ATP6V0A2: variants seen among roughly 807,000 people sequenced by gnomAD.
ATP6V0A2 encodes ATPase H+ transporting V0 subunit a2, also known as V-type proton ATPase 116 kDa subunit a 2.
In ATP6V0A2, 58 loss-of-function variants were observed where a neutral mutation model predicts 104.4. The ratio of observed to expected loss-of-function variants is 0.56; its 90% confidence interval spans 0.45 to 0.69. The LOEUF (loss-of-function observed/expected upper bound fraction) is 0.69, where lower values mean the gene tolerates loss of function less well. Among genes scored for constraint, ATP6V0A2 ranks in the 30% least tolerant of loss-of-function variants. ATP6V0A2 has a pLI of 0.00. For missense variants in ATP6V0A2, 938 were observed against 1,062.9 expected, an observed-to-expected ratio of 0.88 and a Z score of 1.63; for synonymous variants, 376 against 397.9, an observed-to-expected ratio of 0.95 and a Z score of 0.65.
intron 13 of ATP6V0A2, among the ~76,000 whole-genome samples, chr12:123,745,550 C>CA: frequency 6.6e-6 from 1 of 152,000 alleles, no homozygotes; most frequent in Non-Finnish European, 1.5e-5. Flanking sequence ...ACTAAAAATA[C>CA]AAAAAATTAG....
At chr12:123,722,540 C>T (rs1956410123) in intron 3 of ATP6V0A2, 92 bp downstream of exon 3, 2 of 800,308 alleles carry the variant, frequency 2.5e-6, no homozygotes, top group African/African-American at 1.7e-5. Context: ...TTCTGCCTTT[C>T]TTCTCAAAAC....
chr12:123,734,953 C>T (rs1183783242), intron 7 of ATP6V0A2, among the ~76,000 whole-genome samples: 2 of 152,122 alleles, frequency 1.3e-5, no homozygotes, highest in Non-Finnish European at 2.9e-5. Flanking sequence ...TTTAATTTTT[C>T]AAAGGCAGAA....
At chr12:123,717,279 C>T (rs1451939181) in intron 1 of ATP6V0A2, among the ~76,000 whole-genome samples, 2 of 139,096 alleles carry the variant, frequency 1.4e-5, no homozygotes, top group East Asian at 2.1e-4. Context: ...ACTGCCAGTA[C>T]GTTCCAGCCT....
rs1956796289 is a variant in ATP6V0A2 at position 123,760,151 on chromosome 12, A to G, written c.*2119A>G. 6.6e-6 allele frequency: 1 copy of G among 151,972 alleles called. No homozygotes were observed. The highest frequency in any genetic ancestry group is 1.5e-5 in the Non-Finnish European group (1 of 68,038). 9.4% of individuals were successfully genotyped at this position (151,972 alleles called of 1,614,324 possible). A position where few individuals can be genotyped will look rare whatever the true frequency, so the allele number is the denominator to read the frequency against. ...GTTAGCTGATTGGTAAATAAGGGAC[A>G]CGATATTCACGGGAATTGTTTACTG... On this transcript the variant is annotated 3_prime_UTR_variant, in exon 20 of 20. Transcript: ENST00000330342.
Position 123,761,356 on chromosome 12 carries a change from CAATA to C in ATP6V0A2, c.*3328_*3331del, listed in dbSNP as rs1244349348. The C allele has an allele frequency of 6.6e-6, 1 of 152,184 alleles. No individual in the cohort carries two copies. Among genetic ancestry groups the C allele is most frequent in the Non-Finnish European group, 1.5e-5 (1 of 68,040 alleles). 9.4% of individuals were successfully genotyped at this position (152,184 alleles called of 1,614,324 possible). A position where few individuals can be genotyped will look rare whatever the true frequency, so the allele number is the denominator to read the frequency against. ...CCTATTCTACAGTCCGCATTTAAAACAATAAATTCCTCTATTAAAAACGTAAAGC... is the reference window on the plus strand; with the variant it reads ...CCTATTCTACAGTCCGCATTTAAAACAATTCCTCTATTAAAAACGTAAAGC... On this transcript the variant is annotated 3_prime_UTR_variant, in exon 20 of 20. Transcript: ENST00000330342.
chr12:123,737,044 G>T lies in ATP6V0A2; in HGVS notation c.826-15G>T, dbSNP rs1224182798. 7 of 1,613,938 alleles carry T rather than the reference G, an allele frequency of 4.3e-6. No individual in the cohort carries two copies. The highest frequency in any genetic ancestry group is 1.3e-5 in the African/African-American group (1 of 75,048). ...CATGCCCACTCCACTGAAAGCCCCT[G>T]TTGTTCTTCCCCAGGTACTGCACAA... On this transcript the variant is annotated splice_polypyrimidine_tract_variant and intron_variant, in intron 8 of 19. Transcript: ENST00000330342.
rs375885299 is a variant in ATP6V0A2 at position 123,735,657 on chromosome 12, C to A, written c.825+33C>A. The A allele has an allele frequency of 4.0e-6, 6 of 1,512,400 alleles. No homozygotes were observed. The African/African-American group carries it at 8.3e-5, about 21-fold the overall frequency. 93.7% of individuals were successfully genotyped at this position (1,512,400 alleles called of 1,614,324 possible). On this transcript the variant is annotated intron_variant, in intron 8 of 19. Transcript: ENST00000330342. ...AGCTGGAAGTGGATTGCCTCTTTAT[C>A]TGAGGGCTGCCAAACATTTACACGT... is the stretch of plus-strand genomic sequence containing the variant.
chr12:123,748,457 A>G, intron 14 of ATP6V0A2, 118 bp from the exon 15 acceptor site: 1 of 815,310 alleles, frequency 1.2e-6, no homozygotes, highest in Non-Finnish European at 2.1e-6. Flanking sequence ...GATTCATCAT[A>G]TGAGAAATGA....
chr12:123,745,579 G>A (rs550982779), intron 13 of ATP6V0A2, among the ~76,000 whole-genome samples: 5 of 152,190 alleles, frequency 3.3e-5, no homozygotes, highest in Admixed American at 3.3e-4. Context: ...GGTGGCTGGC[G>A]CCTGTAGTCC....
rs1291872859 is a variant in ATP6V0A2, at chr12:123,759,683, A to G, written c.*1651A>G. 1.3e-5 allele frequency: 2 copies of G among 152,158 alleles called. No individual in the cohort carries two copies. The highest frequency in any genetic ancestry group is 6.5e-5 in the Admixed American group (1 of 15,276). 9.4% of individuals were successfully genotyped at this position (152,158 alleles called of 1,614,324 possible). A position where few individuals can be genotyped will look rare whatever the true frequency, so the allele number is the denominator to read the frequency against. Reference sequence around the variant, plus strand: ...TAGAGAGCTTGGCACTTCTGTTACAAGCTGAGAGTCTGGAGGTGCTGAGTT... The same window carrying G: ...TAGAGAGCTTGGCACTTCTGTTACAGGCTGAGAGTCTGGAGGTGCTGAGTT... On this transcript the variant is annotated 3_prime_UTR_variant, in exon 20 of 20. Coordinates refer to ENST00000330342, the MANE Select transcript of ATP6V0A2 (RefSeq NM_012463.4).
At chr12:123,727,400 T>G (rs182193323) in intron 5 of ATP6V0A2, among the ~76,000 whole-genome samples, 3 of 151,960 alleles carry the variant, frequency 2.0e-5, no homozygotes, top group African/African-American at 7.2e-5. Context: ...TGCCTCAGCC[T>G]CCCGAGTAGC....
intron 6 of ATP6V0A2, chr12:123,731,384 T>A (rs929493424): frequency 7.9e-5 from 12 of 152,232 alleles, no homozygotes; most frequent in Admixed American, 7.9e-4. Context: ...TTTTTAGCCA[T>A]TTTCCCCCAT....
chr12:123,727,779 A>T lies in ATP6V0A2; in HGVS notation c.522-4A>T. ...GACTACAGGTTGACTTTACTGTCTC[A>T]CAGATTTGTGTCTGGCCTAATTAAC... On this transcript the variant is annotated splice_polypyrimidine_tract_variant and splice_region_variant and intron_variant, in intron 5 of 19. Coordinates refer to ENST00000330342, the MANE Select transcript of ATP6V0A2 (RefSeq NM_012463.4). 1.2e-6 allele frequency: 2 copies of T among 1,614,108 alleles called. No individual in the cohort carries two copies. The highest frequency in any genetic ancestry group is 1.7e-6 in the Non-Finnish European group (2 of 1,180,042).
At chr12:123,745,766 C>T (rs1424184182) in intron 13 of ATP6V0A2, among the ~76,000 whole-genome samples, 2 of 151,716 alleles carry the variant, frequency 1.3e-5, no homozygotes, top group African/African-American at 4.8e-5. Context: ...CCCCCAACCC[C>T]TTCGAGGGCT....
chr12:123,744,841 C>T lies in ATP6V0A2; in HGVS notation c.1515-41C>T, dbSNP rs778550959. On this transcript the variant is annotated intron_variant, in intron 12 of 19. Coordinates refer to ENST00000330342, the MANE Select transcript of ATP6V0A2 (RefSeq NM_012463.4). The surrounding 1 kb of genome is among the most constrained non-coding windows in gnomAD (Gnocchi z 5.4). The stretch of plus-strand genomic sequence containing the variant: ...TGGAAAGCATGTTTCCTAGACCTTC[C>T]TCCTCCCAGGTCAGCCTCCTCACTC... The T allele has an allele frequency of 6.2e-7, 1 of 1,614,038 alleles. No individual in the cohort carries two copies. Among genetic ancestry groups the T allele is most frequent in the Non-Finnish European group, 8.5e-7 (1 of 1,179,884 alleles).
At chr12:123,715,267 T>C (rs78400668) in intron 1 of ATP6V0A2, among the ~76,000 whole-genome samples, 1 of 152,326 alleles carries the variant, frequency 6.6e-6, no homozygotes, top group Non-Finnish European at 1.5e-5. Flanking sequence ...AGAAGTAGTA[T>C]CCTGTGACAG....
At chr12:123,712,708 C>T in intron 1 of ATP6V0A2, 26 bp downstream of exon 1, 1 of 1,578,668 alleles carries the variant, frequency 6.3e-7, no homozygotes, top group Non-Finnish European at 8.7e-7. Context: ...GAGACGCGGG[C>T]CGCACCTGCT....
rs553267298 is a variant in ATP6V0A2 at position 123,741,466 on chromosome 12, ACT to A, written c.1039-2316_1039-2315del. Among the ~76,000 whole-genome samples, 3 of 152,018 alleles carry A rather than the reference ACT, an allele frequency of 2.0e-5. No individual in the cohort carries two copies. In the South Asian group the frequency reaches 6.2e-4, roughly 32 times the overall value. On this transcript the variant is annotated intron_variant, in intron 9 of 19. Coordinates refer to ENST00000330342, the MANE Select transcript of ATP6V0A2 (RefSeq NM_012463.4). ...AAATTCATTTTTTAGACAAGGTCTCACTCTGTTTCCCAGGCTGGAGAACAGTG... is the reference window on the plus strand; with the variant it reads ...AAATTCATTTTTTAGACAAGGTCTCACTGTTTCCCAGGCTGGAGAACAGTG...
chr12:123,718,520 T>C (rs1055656709), intron 1 of ATP6V0A2, 103 bp from the exon 2 acceptor site: 18 of 789,920 alleles, frequency 2.3e-5, no homozygotes, highest in Non-Finnish European at 1.5e-5. Flanking sequence ...TTCAATAGTA[T>C]ACAAGAGTGT....
Sources: allele counts gnomAD v4.1 joint callset (sites outside exome capture counted in the v4.1 genomes callset), GRCh38; gene constraint gnomAD v4.1.1; non-coding constraint Gnocchi (gnomAD v3.1); transcripts MANE v1.5; gene names NCBI Gene and HGNC (gene_info 2026-07-23, HGNC 2026-07-21).